The following CFAP69 variants were observed in gnomAD, a reference collection of about 807,000 sequenced individuals.
CFAP69 encodes cilia and flagella associated protein 69, also known as cilia- and flagella-associated protein 69.
In CFAP69, 92 loss-of-function variants were observed where a neutral mutation model predicts 123.0. That is an observed-to-expected ratio of 0.75 (90% CI 0.63 to 0.89). CFAP69 has a LOEUF of 0.89. Among genes scored for constraint, CFAP69 ranks in the 40% least tolerant of loss-of-function variants. The pLI, the probability that CFAP69 is intolerant of heterozygous loss-of-function variation, is 0.00. For synonymous variants in CFAP69, 380 were observed against 364.3 expected (o/e 1.04, Z -0.49); for missense variants, 1,067 against 1,096.9 (o/e 0.97, Z 0.39).
At chr7:90,276,068 T>G (rs1018114437) in intron 9 of CFAP69, 1 of 152,198 alleles carries the variant, frequency 6.6e-6, no homozygotes, top group African/African-American at 2.4e-5. Flanking sequence ...AAGCTGAGCC[T>G]TCACATATTT....
At position 90,306,936 on chromosome 7, in the gene CFAP69, A is replaced by G. The variant is rs368994596; in HGVS notation, c.2301A>G (p.Ile767Met). 5.7e-5 allele frequency: 89 copies of G among 1,558,126 alleles called. No homozygotes were observed. Among genetic ancestry groups the G allele is most frequent in the Non-Finnish European group, 7.7e-5 (87 of 1,136,998 alleles). ...GEIWNEIYEE[I>M]KLEKLRPVTT... Reference sequence around the variant, plus strand: ...TATGGAATGAAATATATGAAGAAATAAAATTAGAAAAATTAAGACCAGTCA... The same window carrying G: ...TATGGAATGAAATATATGAAGAAATGAAATTAGAAAAATTAAGACCAGTCA... The change falls in exon 20 of 23, where the codon ATA (isoleucine) becomes ATG (methionine). Residue 767 changes from isoleucine (I) to methionine (M), a missense_variant. Coordinates refer to ENST00000389297, the MANE Select transcript of CFAP69 (RefSeq NM_001039706.3).
intron 22 of CFAP69, 107 bp downstream of exon 22, chr7:90,309,474 T>C: frequency 1.9e-6 from 1 of 527,166 alleles, no homozygotes; most frequent in Non-Finnish European, 3.3e-6. Flanking sequence ...ATTAAATGGA[T>C]GGATTGTGTG....
chr7:90,282,172 G>A (rs1789583508), intron 12 of CFAP69, among the ~76,000 whole-genome samples: 2 of 122,908 alleles, frequency 1.6e-5, no homozygotes, highest in African/African-American at 6.3e-5. Flanking sequence ...GGGCAACATG[G>A]TGAGACCCCA....
chr7:90,245,664 C>G, intron 1 of CFAP69, 120 bp downstream of exon 1: 1 of 1,264,806 alleles, frequency 7.9e-7, no homozygotes, highest in Non-Finnish European at 1.1e-6. Context: ...TGGGGGAAGC[C>G]GCGGGATGGA....
intron 17 of CFAP69, chr7:90,300,653 T>A (rs1470385166): frequency 7.8e-6 from 2 of 257,620 alleles, no homozygotes; most frequent in African/African-American, 4.6e-5. Flanking sequence ...TCTTTTTTTT[T>A]TCTTTTTTTT....
At chr7:90,251,564 A>G (rs1257009696) in intron 1 of CFAP69, among the ~76,000 whole-genome samples, 1 of 152,212 alleles carries the variant, frequency 6.6e-6, no homozygotes, top group Non-Finnish European at 1.5e-5. Flanking sequence ...TGGCTTTTTA[A>G]GATCCTTGTG....
Position 90,307,066 on chromosome 7 carries a change from GACATGCA to G in CFAP69, c.2433_2439del (p.Asp811GlufsTer37). ...TATAATTGAAAGCCAAGCATGCCAA[GACATGCA>G]AAATGAACAAAAAGTATATGCAAAA... On this transcript the variant is annotated frameshift_variant, in exon 20 of 23. Transcript: ENST00000389297. LOFTEE classifies it high-confidence loss of function. The G allele has an allele frequency of 6.2e-7, 1 of 1,611,748 alleles. No individual in the cohort carries two copies. The highest frequency in any genetic ancestry group is 1.7e-5 in the Admixed American group (1 of 59,250).
At chr7:90,303,768 G>T (rs776908674) in intron 17 of CFAP69, 1 of 1,156,832 alleles carries the variant, frequency 8.6e-7, no homozygotes, top group East Asian at 3.9e-5. Flanking sequence ...AAAAATGAAG[G>T]CTCTAAGTTT....
downstream of CFAP69, among the ~76,000 whole-genome samples, chr7:90,315,784 G>A (rs987725540): frequency 6.6e-6 from 1 of 151,988 alleles, no homozygotes; most frequent in African/African-American, 2.4e-5. Context: ...AAAATTAAAA[G>A]TTTATTTAAA....
intron 17 of CFAP69, chr7:90,303,703 A>C: frequency 2.0e-6 from 2 of 1,009,634 alleles, no homozygotes; most frequent in Non-Finnish European, 2.4e-6. Flanking sequence ...ATTTACATAG[A>C]AGTTTTACTT....
In CFAP69 at chr7:90,295,895, C is replaced by T. The variant is rs17865127; in HGVS notation, c.1776-1854C>T. ...TGTTGCCATGGCATTTGTAAACTGT[C>T]ATTGTGCTGGTGGGAGTGTAGCAGT... On this transcript the variant is annotated intron_variant, in intron 15 of 22. Transcript: ENST00000389297. Among the ~76,000 whole-genome samples the T allele has an allele frequency of 8.2e-3, 1,242 of 152,274 alleles. 16 individuals carry two copies. The highest frequency in any genetic ancestry group is 0.029 in the African/African-American group (1,189 of 41,550).
At chr7:90,265,913 G>C (rs1474053108) in intron 5 of CFAP69, 2 of 152,080 alleles carry the variant, frequency 1.3e-5, no homozygotes, top group Non-Finnish European at 2.9e-5. Flanking sequence ...GTTATCACTT[G>C]ATTTTCTAGA....
chr7:90,281,971 T>A (rs1789560619), intron 12 of CFAP69, among the ~76,000 whole-genome samples: 1 of 152,002 alleles, frequency 6.6e-6, no homozygotes, highest in Non-Finnish European at 1.5e-5. Flanking sequence ...CCCCAAATTT[T>A]CAAAAAACAT....
At chr7:90,267,276 T>C (rs971852329) in intron 5 of CFAP69, among the ~76,000 whole-genome samples, 1 of 152,194 alleles carries the variant, frequency 6.6e-6, no homozygotes, top group Non-Finnish European at 1.5e-5. Flanking sequence ...TCTTTCCACT[T>C]GCCACCCCAC....
intron 15 of CFAP69, among the ~76,000 whole-genome samples, chr7:90,292,246 G>T (rs1419103196): frequency 6.6e-6 from 1 of 152,114 alleles, no homozygotes; most frequent in Non-Finnish European, 1.5e-5. Context: ...CCATGGGTTT[G>T]TACCCTCACA....
intron 4 of CFAP69, among the ~76,000 whole-genome samples, chr7:90,265,058 C>T (rs930363165): frequency 1.3e-5 from 2 of 152,136 alleles, no homozygotes; most frequent in Non-Finnish European, 2.9e-5. Flanking sequence ...TCCCAAGGCG[C>T]TGGGATTACA....
chr7:90,305,891 C>A (rs909835296), intron 19 of CFAP69, among the ~76,000 whole-genome samples: 4 of 150,018 alleles, frequency 2.7e-5, no homozygotes, highest in Non-Finnish European at 4.4e-5. Flanking sequence ...AATATTAGTA[C>A]TGTATATTTG....
At chr7:90,255,851 G>A (rs1485595973) in intron 2 of CFAP69, among the ~76,000 whole-genome samples, 5 of 152,034 alleles carry the variant, frequency 3.3e-5, no homozygotes, top group African/African-American at 1.2e-4. Context: ...TATGAAATCA[G>A]GATAGATACA....
intron 6 of CFAP69, among the ~76,000 whole-genome samples, chr7:90,270,893 A>G (rs11563435): frequency 6.6e-6 from 1 of 151,788 alleles, no homozygotes; most frequent in Non-Finnish European, 1.5e-5. Context: ...TGTCACCAAG[A>G]ATCAAACTTC....
Sources: allele counts gnomAD v4.1 joint callset (sites outside exome capture counted in the v4.1 genomes callset), GRCh38; gene constraint gnomAD v4.1.1; transcripts MANE v1.5; gene names NCBI Gene and HGNC (gene_info 2026-07-23, HGNC 2026-07-21).